The following F2 variants were observed in gnomAD, a reference collection of about 807,000 sequenced individuals.
The protein encoded by F2 is coagulation factor II, thrombin.
F2 carries 34 observed loss-of-function variants against 81.9 expected under a neutral mutation model. The observed-to-expected ratio is 0.42, with a 90% CI of 0.32 to 0.55. The LOEUF (loss-of-function observed/expected upper bound fraction) is 0.55, where lower values mean the gene tolerates loss of function less well. F2 is among the 20% of genes least tolerant of loss of function. The probability of loss-of-function intolerance (pLI) is 0.18; values close to 1 mark genes in which losing one functional copy is unlikely to be tolerated. For synonymous variants in F2, 296 were observed against 326.4 expected (o/e 0.91, Z 1.01); for missense variants, 630 against 833.4 (o/e 0.76, Z 3.00).
chr11:46,735,373 G>A (rs1355001482), intron 12 of F2, among the ~76,000 whole-genome samples: 2 of 152,074 alleles, frequency 1.3e-5, no homozygotes, highest in African/African-American at 4.8e-5. Context: ...CCCAGGAGGT[G>A]GAGGTTGCAG....
In F2 at chr11:46,723,586, G is replaced by T; in HGVS notation, c.559+68G>T. 1 of 1,543,312 alleles carries T rather than the reference G, an allele frequency of 6.5e-7. No homozygotes were observed. Among genetic ancestry groups the T allele is most frequent in the Non-Finnish European group, 8.8e-7 (1 of 1,139,060 alleles). On this transcript the variant is annotated intron_variant, in intron 6 of 13. Transcript: ENST00000311907. The surrounding 1 kb of genome is among the most constrained non-coding windows in gnomAD (Gnocchi z 5.6). ...GGCTTCATGGGGCCTGGCAGCCTGG[G>T]ATGGGAACCAAGAATACTGGCTACC...
At chr11:46,737,151 CT>C (rs1271148259) in intron 12 of F2, among the ~76,000 whole-genome samples, 2 of 151,128 alleles carry the variant, frequency 1.3e-5, no homozygotes, top group African/African-American at 4.9e-5. Flanking sequence ...TATTATTTTT[CT>C]TTTTTTTGAG....
At chr11:46,724,305 CTAA>C (rs2064858003) in intron 6 of F2, among the ~76,000 whole-genome samples, 1 of 152,184 alleles carries the variant, frequency 6.6e-6, no homozygotes, top group African/African-American at 2.4e-5. Flanking sequence ...GCTGCACTCG[CTAA>C]TGCGTCTGTA....
At chr11:46,731,247 A>G (rs2064910108) in intron 12 of F2, among the ~76,000 whole-genome samples, 1 of 123,656 alleles carries the variant, frequency 8.1e-6, no homozygotes, top group Non-Finnish European at 1.6e-5. Flanking sequence ...TTTTTTTGAG[A>G]TGGAATCTTG....
Position 46,726,881 on chromosome 11 carries a change from G to C in F2, c.1130+44G>C. ...CGCTACCATTCACTCCTGGGGGCAGGTGTGCTGCTGGACCCCCACCCTCAG... is the reference window on the plus strand; with the variant it reads ...CGCTACCATTCACTCCTGGGGGCAGCTGTGCTGCTGGACCCCCACCCTCAG... On this transcript the variant is annotated intron_variant, in intron 9 of 13. Transcript: ENST00000311907. The surrounding 1 kb of genome is among the most constrained non-coding windows in gnomAD (Gnocchi z 5.9). 2 of 1,610,798 alleles carry C rather than the reference G, an allele frequency of 1.2e-6. No individual in the cohort carries two copies. The highest frequency in any genetic ancestry group is 1.7e-6 in the Non-Finnish European group (2 of 1,177,630).
chr11:46,729,098 C>T (rs190265286), intron 11 of F2, among the ~76,000 whole-genome samples: 46 of 152,226 alleles, frequency 3.0e-4, no homozygotes, highest in African/African-American at 8.4e-4. Context: ...TGGGTTCAAG[C>T]GACTCTCCTG....
Position 46,719,533 on chromosome 11 carries a change from A to T in F2, c.80-169A>T. ...GCAGGCTGGGGGCAAGGGGCAGTGT[A>T]GGAGGGGCACAGGGGGCCACATTTA... On this transcript the variant is annotated intron_variant, in intron 1 of 13. Coordinates refer to ENST00000311907, the MANE Select transcript of F2 (RefSeq NM_000506.5). The surrounding 1 kb of genome is among the most constrained non-coding windows in gnomAD (Gnocchi z 4.7). The T allele has an allele frequency of 1.0e-6, 1 of 969,406 alleles. No individual in the cohort carries two copies. Among genetic ancestry groups the T allele is most frequent in the Admixed American group, 2.1e-5 (1 of 48,580 alleles). The allele number at this position is 969,406 out of a possible 1,614,324, so 60.1% of individuals were successfully genotyped here. A position where few individuals can be genotyped will look rare whatever the true frequency, so the allele number is the denominator to read the frequency against.
Position 46,719,287 on chromosome 11 carries a change from C to T in F2, c.52C>T (p.Leu18=). The change falls in exon 1 of 14, where the codon CTG becomes TTG. Residue 18 remains leucine (L), a synonymous_variant. Coordinates refer to ENST00000311907, the MANE Select transcript of F2 (RefSeq NM_000506.5). This position sits in a 1 kb window ranked among gnomAD's most constrained non-coding sequence, Gnocchi z 4.7. ...QLPGCLALAA[L]CSLVHSQHVF... ...GCCTGGCTGCCTGGCCCTGGCTGCC[C>T]TGTGTAGCCTTGTGCACAGCCAGCA... 6.2e-7 allele frequency: 1 copy of T among 1,613,544 alleles called. No homozygotes were observed. The highest frequency in any genetic ancestry group is 1.1e-5 in the South Asian group (1 of 91,034).
At chr11:46,721,804 A>G (rs2064838239) in intron 4 of F2, among the ~76,000 whole-genome samples, 1 of 151,342 alleles carries the variant, frequency 6.6e-6, no homozygotes, top group Non-Finnish European at 1.5e-5. Flanking sequence ...GAGTAGGATT[A>G]TAAGTGTGAG....
Position 46,726,911 on chromosome 11 carries a change from T to C in F2, c.1130+74T>C, listed in dbSNP as rs2064878179. The stretch of plus-strand genomic sequence containing the variant: ...CTGCTGGACCCCCACCCTCAGGCCC[T>C]GCCTGCAGGCCTGGGCTTTACAGAT... On this transcript the variant is annotated intron_variant, in intron 9 of 13. Transcript: ENST00000311907. This position sits in a 1 kb window ranked among gnomAD's most constrained non-coding sequence, Gnocchi z 5.9. 1 of 1,600,992 alleles carries C rather than the reference T, an allele frequency of 6.2e-7. No homozygotes were observed. Among genetic ancestry groups the C allele is most frequent in the Admixed American group, 1.7e-5 (1 of 59,860 alleles).
chr11:46,738,929 A>C, intron 12 of F2, 119 bp from the exon 13 acceptor site: 1 of 974,896 alleles, frequency 1.0e-6, no homozygotes, highest in Non-Finnish European at 1.6e-6. Context: ...AGGGTGAGGA[A>C]GTGGGGACAG....
chr11:46,725,792 C>T, intron 6 of F2, 67 bp from the exon 7 acceptor site: 1 of 1,562,110 alleles, frequency 6.4e-7, no homozygotes, highest in Non-Finnish European at 8.8e-7. Flanking sequence ...GGGGTTCACA[C>T]CCCTGTCTGT....
chr11:46,720,720 C>A, intron 3 of F2, 70 bp from the exon 4 acceptor site: 1 of 1,574,408 alleles, frequency 6.4e-7, no homozygotes, highest in Non-Finnish European at 8.7e-7. Context: ...ACCAACATCC[C>A]ATCCACCCTG....
intron 12 of F2, among the ~76,000 whole-genome samples, chr11:46,730,216 C>T (rs1342184811): frequency 2.0e-5 from 3 of 152,102 alleles, no homozygotes; most frequent in African/African-American, 7.2e-5. Context: ...AGGAGAATTG[C>T]TTGAGCCAGG....
In F2 at chr11:46,723,645, C is replaced by A; in HGVS notation, c.559+127C>A. 1.6e-6 allele frequency: 2 copies of A among 1,239,726 alleles called. No individual in the cohort carries two copies. The highest frequency in any genetic ancestry group is 2.2e-6 in the Non-Finnish European group (2 of 891,730). The allele number at this position is 1,239,726 out of a possible 1,614,324, so 76.8% of individuals were successfully genotyped here. ...GTGGCTCATGCCCGTAATCCCAGCA[C>A]TTTGGGAGGCTGAGGCAGGCAGATC... is the stretch of plus-strand genomic sequence containing the variant. On this transcript the variant is annotated intron_variant, in intron 6 of 13. Transcript: ENST00000311907. The surrounding 1 kb of genome is among the most constrained non-coding windows in gnomAD (Gnocchi z 5.6).
Position 46,734,714 on chromosome 11 carries a change from G to A in F2, c.1655-4334G>A, listed in dbSNP as rs578043537. The stretch of plus-strand genomic sequence containing the variant: ...TAGTCCCAGCTACTCAGGAGACTGA[G>A]GCTGGAGAATTGCTTGAACCTGGGA... On this transcript the variant is annotated intron_variant, in intron 12 of 13. Transcript: ENST00000311907. Among the ~76,000 whole-genome samples the A allele has an allele frequency of 2.0e-5, 3 of 152,270 alleles. No individual in the cohort carries two copies. The South Asian group carries it at 6.2e-4, about 32-fold the overall frequency.
Position 46,721,131 on chromosome 11 carries a change from G to A in F2, c.316+291G>A, listed in dbSNP as rs543021290. 7.2e-5 allele frequency among the ~76,000 whole-genome samples: 11 copies of A among 152,088 alleles called. No homozygotes were observed. In the East Asian group the frequency reaches 9.7e-4, roughly 13 times the overall value. ...ACGATCTTGGCTCACTGTAAACTCC[G>A]CCTCCCGGGTTCAAGCAATTCTCTG... On this transcript the variant is annotated intron_variant, in intron 4 of 13. Transcript: ENST00000311907.
intron 12 of F2, among the ~76,000 whole-genome samples, chr11:46,738,701 A>C (rs1422528402): frequency 6.6e-6 from 1 of 152,186 alleles, no homozygotes; most frequent in Admixed American, 6.5e-5. Flanking sequence ...GCTGAGCTCA[A>C]GTGATCCACC....
rs1391345923 is a variant in F2, at chr11:46,726,760, C to T, written c.1053C>T (p.Thr351=). The T allele has an allele frequency of 4.3e-6, 7 of 1,614,212 alleles. No individual in the cohort carries two copies. Among genetic ancestry groups the T allele is most frequent in the Admixed American group, 1.7e-5 (1 of 60,022 alleles). The change falls in exon 9 of 14, where the codon ACC becomes ACT. Residue 351 remains threonine (T), a synonymous_variant. Coordinates refer to ENST00000311907, the MANE Select transcript of F2 (RefSeq NM_000506.5). The surrounding 1 kb of genome is among the most constrained non-coding windows in gnomAD (Gnocchi z 5.9). ...LFEKKSLEDK[T]ERELLESYID... The stretch of plus-strand genomic sequence containing the variant: ...AGAAGAAGTCGCTGGAGGACAAAAC[C>T]GAAAGAGAGCTCCTGGAATCCTACA...
Sources: gnomAD v4.1 joint callset for allele counts (sites outside exome capture counted in the v4.1 genomes callset) on GRCh38, gnomAD v4.1.1 for gene constraint, Gnocchi (gnomAD v3.1) non-coding constraint, MANE v1.5 for transcripts, NCBI Gene and HGNC (gene_info 2026-07-23, HGNC 2026-07-21) for gene names.